Variants in KCNIP1 observed in about 807,000 individuals in gnomAD.
KCNIP1 encodes the protein potassium voltage-gated channel interacting protein 1.
KCNIP1 carries 18 observed loss-of-function variants against 33.0 expected under a neutral mutation model. That is an observed-to-expected ratio of 0.55 (90% CI 0.38 to 0.81). The LOEUF (loss-of-function observed/expected upper bound fraction) is 0.81. Among genes scored for constraint, KCNIP1 ranks in the 30% least tolerant of loss-of-function variants. The pLI is 0.00. For missense variants in KCNIP1, 238 were observed against 271.6 expected, an observed-to-expected ratio of 0.88 and a Z score of 0.87; for synonymous variants, 93 against 98.3, an observed-to-expected ratio of 0.95 and a Z score of 0.32.
intron 1 of KCNIP1, among the ~76,000 whole-genome samples, chr5:170,603,357 G>A (rs74905736): frequency 0.022 from 3,412 of 152,196 alleles, 137 homozygotes; most frequent in African/African-American, 0.076. Context: ...TTCCACTTCC[G>A]TCACTTGAGA....
chr5:170,531,757 G>T (rs1029670086), intron 1 of KCNIP1, among the ~76,000 whole-genome samples: 2 of 152,128 alleles, frequency 1.3e-5, no homozygotes, highest in Non-Finnish European at 2.9e-5. Flanking sequence ...GACAATGGGG[G>T]AGCCACTGCA....
At chr5:170,609,033 G>C (rs1184303773) in intron 1 of KCNIP1, among the ~76,000 whole-genome samples, 1 of 152,124 alleles carries the variant, frequency 6.6e-6, no homozygotes, top group Non-Finnish European at 1.5e-5. Flanking sequence ...TCCCCTCAGT[G>C]TGATAGTAAT....
intron 1 of KCNIP1, among the ~76,000 whole-genome samples, chr5:170,416,431 C>T (rs1033658304): frequency 3.9e-5 from 6 of 152,230 alleles, no homozygotes; most frequent in Admixed American, 6.5e-5. Flanking sequence ...AGAAATGATG[C>T]GGAGGAATGA....
In KCNIP1 at chr5:170,601,207, T is replaced by C. The variant is rs1437141982; in HGVS notation, c.61+96574T>C. 8.5e-5 allele frequency among the ~76,000 whole-genome samples: 13 copies of C among 152,366 alleles called. No individual in the cohort carries two copies. In the East Asian group the frequency reaches 2.3e-3, roughly 27 times the overall value. On this transcript the variant is annotated intron_variant, in intron 1 of 7. Coordinates refer to ENST00000328939, the MANE Select transcript of KCNIP1 (RefSeq NM_014592.4). The stretch of plus-strand genomic sequence containing the variant: ...AGTGCCTTTTAAATACACCAGCTCC[T>C]GGTTTGGAGCTAATGGGACACATGC...
intron 1 of KCNIP1, among the ~76,000 whole-genome samples, chr5:170,651,172 G>A (rs1240489922): frequency 6.6e-6 from 1 of 152,210 alleles, no homozygotes; most frequent in African/African-American, 2.4e-5. Context: ...TCCATTGGAA[G>A]AACCTTCTAA....
chr5:170,679,712 CA>C (rs1228864784), intron 1 of KCNIP1, among the ~76,000 whole-genome samples: 2 of 147,322 alleles, frequency 1.4e-5, no homozygotes, highest in African/African-American at 5.0e-5. Context: ...TGGTACTAAA[CA>C]ACTTAGGGTG....
intron 1 of KCNIP1, among the ~76,000 whole-genome samples, chr5:170,599,847 CTTATTGAAAGAAAATATAT>C (rs1561710278): frequency 6.6e-6 from 1 of 152,214 alleles, no homozygotes; most frequent in Non-Finnish European, 1.5e-5. Flanking sequence ...CAAACAAGCA[CTTATTGAAAGAAAATATAT>C]TCTACACAGC....
intron 1 of KCNIP1, among the ~76,000 whole-genome samples, chr5:170,618,510 G>A (rs1460248294): frequency 9.4e-6 from 1 of 106,264 alleles, no homozygotes; most frequent in Non-Finnish European, 1.9e-5. Context: ...GAGGAAAGGA[G>A]GAAGGAAGGG....
chr5:170,392,673 A>T (rs1053580678), intron 1 of KCNIP1, among the ~76,000 whole-genome samples: 2 of 152,182 alleles, frequency 1.3e-5, no homozygotes, highest in Non-Finnish European at 2.9e-5. Context: ...AAATACAAAA[A>T]TTAGCTGGGC....
chr5:170,410,167 C>T (rs2113403815), intron 1 of KCNIP1, among the ~76,000 whole-genome samples: 1 of 152,380 alleles, frequency 6.6e-6, no homozygotes, highest in East Asian at 1.9e-4. Flanking sequence ...GAGTCCCCCA[C>T]TCAGGGGATC....
intron 1 of KCNIP1, among the ~76,000 whole-genome samples, chr5:170,711,384 C>A (rs1402769434): frequency 1.3e-5 from 2 of 152,194 alleles, no homozygotes; most frequent in Non-Finnish European, 2.9e-5. Context: ...ACATTCCTGG[C>A]ACACCAGAGC....
chr5:170,571,398 T>C (rs1048465677), intron 1 of KCNIP1, among the ~76,000 whole-genome samples: 4 of 152,210 alleles, frequency 2.6e-5, no homozygotes, highest in African/African-American at 9.7e-5. Flanking sequence ...CCAGCACCTT[T>C]CTCTCCTGCC....
intron 1 of KCNIP1, among the ~76,000 whole-genome samples, chr5:170,583,408 C>T (rs779748155): frequency 1.3e-5 from 2 of 151,108 alleles, no homozygotes; most frequent in African/African-American, 2.5e-5. Context: ...ATGTTGTGAT[C>T]GAGATCGTGG....
At chr5:170,728,481 G>A (rs1764081478) in intron 5 of KCNIP1, among the ~76,000 whole-genome samples, 1 of 152,116 alleles carries the variant, frequency 6.6e-6, no homozygotes, top group South Asian at 2.1e-4. Context: ...TAAAAAGCTG[G>A]CAAAGTGACT....
chr5:170,404,728 C>A (rs981828752), intron 1 of KCNIP1, among the ~76,000 whole-genome samples: 2 of 152,198 alleles, frequency 1.3e-5, no homozygotes, highest in African/African-American at 2.4e-5. Context: ...GATCATGAGG[C>A]TAGCCCAGAC....
chr5:170,628,816 G>T lies in KCNIP1; in HGVS notation c.62-89942G>T, dbSNP rs746725686. Among the ~76,000 whole-genome samples, 122 of 152,360 alleles carry T rather than the reference G, an allele frequency of 8.0e-4. 1 individual carries two copies. Among genetic ancestry groups the T allele is most frequent in the Non-Finnish European group, 1.5e-3 (99 of 68,030 alleles). On this transcript the variant is annotated intron_variant, in intron 1 of 7. Transcript: ENST00000328939. ...GGGCAGCTCAAGGTTAATTTGCAGG[G>T]TTCATGTTTGGAGTTTCTGAGCAAG... is the stretch of plus-strand genomic sequence containing the variant.
intron 1 of KCNIP1, among the ~76,000 whole-genome samples, chr5:170,580,316 T>C (rs1394989911): frequency 6.6e-6 from 1 of 152,206 alleles, no homozygotes; most frequent in Non-Finnish European, 1.5e-5. Flanking sequence ...GAAGACAAGG[T>C]GGTAATAACT....
rs966263048 is a variant in KCNIP1, at chr5:170,451,593, T to A, written c.88+97629T>A. Among the ~76,000 whole-genome samples the A allele has an allele frequency of 7.4e-5, 11 of 148,088 alleles. No homozygotes were observed. In the East Asian group the frequency reaches 9.9e-4, roughly 13 times the overall value. ...ACCTGAACTTGCAAAAAAAAAAAAA[T>A]ACCTAATTAAACAATTTCTGCAAGC... On this transcript the variant is annotated intron_variant, in intron 1 of 7. Transcript: ENST00000377360.
chr5:170,711,981 G>A (rs1227879841), intron 1 of KCNIP1, among the ~76,000 whole-genome samples: 4 of 152,164 alleles, frequency 2.6e-5, no homozygotes, highest in East Asian at 1.9e-4. Flanking sequence ...TTACACACTC[G>A]TGGCCAGGGG....
Sources: gnomAD v4.1 joint callset for allele counts (sites outside exome capture counted in the v4.1 genomes callset) on GRCh38, gnomAD v4.1.1 for gene constraint, MANE v1.5 for transcripts, NCBI Gene and HGNC (gene_info 2026-07-23, HGNC 2026-07-21) for gene names.